The following ACVR2A variants were observed in gnomAD, a reference collection of about 807,000 sequenced individuals.
ACVR2A encodes activin A receptor type 2A.
ACVR2A carries 7 observed loss-of-function variants against 61.4 expected under a neutral mutation model. The ratio of observed to expected loss-of-function variants is 0.11; its 90% CI spans 0.06 to 0.21. The LOEUF is 0.21. Among genes scored for constraint, ACVR2A ranks in the 10% least tolerant of loss-of-function variants. The pLI, the probability that ACVR2A is intolerant of heterozygous loss-of-function variation, is 1.00. For missense variants in ACVR2A, 322 were observed against 621.7 expected (o/e 0.52, Z 5.13); for synonymous variants, 193 against 208.3 (o/e 0.93, Z 0.63).
Position 147,923,018 on chromosome 2 carries a change from A to G in ACVR2A, c.1123A>G (p.Ile375Val), listed in dbSNP as rs749606424. The part of the protein sequence containing the change: ...YMAPEVLEGA[I>V]NFQRDAFLRI... The stretch of plus-strand genomic sequence containing the variant: ...GGCTCCAGAGGTATTAGAGGGTGCT[A>G]TAAACTTCCAAAGGGATGCATTTTT... The change falls in exon 9 of 11, where the codon ATA becomes GTA. Residue 375 changes from isoleucine to valine, a missense_variant. Ile to Val is a conservative substitution (Grantham distance 29). Transcript: ENST00000241416. The G allele has an allele frequency of 5.6e-6, 9 of 1,613,434 alleles. No homozygotes were observed. The highest frequency in any genetic ancestry group is 1.7e-5 in the Admixed American group (1 of 59,964).
At chr2:147,912,038 TTGA>T in intron 4 of ACVR2A, among the ~76,000 whole-genome samples, 1 of 152,140 alleles carries the variant, frequency 6.6e-6, no homozygotes, top group Non-Finnish European at 1.5e-5. Context: ...AGTATAACTT[TTGA>T]TGATATTTTG....
In ACVR2A at chr2:147,899,444, C is replaced by A. The variant is rs775399483; in HGVS notation, c.264-14C>A. 9 of 1,563,424 alleles carry A rather than the reference C, an allele frequency of 5.8e-6. No homozygotes were observed. The East Asian group carries it at 1.6e-4, about 27-fold the overall frequency. On this transcript the variant is annotated splice_polypyrimidine_tract_variant and intron_variant, in intron 2 of 10. Coordinates refer to ENST00000241416, the MANE Select transcript of ACVR2A (RefSeq NM_001616.5). The stretch of plus-strand genomic sequence containing the variant: ...AATATTGATTTTAATTATTTTTTCT[C>A]TGCTTATTTATAGGACTGATTGTGT...
chr2:147,916,293 G>A (rs1431289840), intron 5 of ACVR2A, among the ~76,000 whole-genome samples: 2 of 151,826 alleles, frequency 1.3e-5, no homozygotes, highest in African/African-American at 4.8e-5. Context: ...GATAAGGGAA[G>A]AAATTATTTC....
intron 8 of ACVR2A, among the ~76,000 whole-genome samples, chr2:147,922,089 A>G (rs1381165186): frequency 7.9e-6 from 1 of 126,748 alleles, no homozygotes; most frequent in African/African-American, 2.7e-5. Context: ...GCTTTAGGGA[A>G]ACATTCACTG....
At chr2:147,919,663 C>T (rs190890176) in intron 7 of ACVR2A, among the ~76,000 whole-genome samples, 77 of 152,140 alleles carry the variant, frequency 5.1e-4, no homozygotes, top group Non-Finnish European at 7.1e-4. Flanking sequence ...AAAACTGTTA[C>T]CCTTTTCAGA....
At chr2:147,868,624 T>A (rs547975668) in intron 1 of ACVR2A, among the ~76,000 whole-genome samples, 7 of 150,832 alleles carry the variant, frequency 4.6e-5, no homozygotes, top group East Asian at 1.9e-4. Context: ...TATTTTATTT[T>A]ATTTATTTAT....
chr2:147,889,809 G>T (rs564634034), intron 1 of ACVR2A, among the ~76,000 whole-genome samples: 4 of 151,692 alleles, frequency 2.6e-5, no homozygotes, highest in Non-Finnish European at 5.9e-5. Flanking sequence ...TTCAGATTCT[G>T]TGTATTGCTA....
intron 1 of ACVR2A, among the ~76,000 whole-genome samples, chr2:147,853,833 A>G (rs993201136): frequency 1.3e-5 from 2 of 152,234 alleles, no homozygotes; most frequent in South Asian, 2.1e-4. Context: ...CTTCATAACT[A>G]TATGTGATAT....
intron 1 of ACVR2A, among the ~76,000 whole-genome samples, chr2:147,849,988 T>C (rs1026770951): frequency 2.6e-5 from 4 of 152,210 alleles, no homozygotes; most frequent in African/African-American, 9.6e-5. Context: ...GTCCAATGAT[T>C]TAAATTTGTG....
rs756935595 is a variant in ACVR2A at position 147,917,269 on chromosome 2, C to G, written c.673-14C>G. On this transcript the variant is annotated splice_polypyrimidine_tract_variant and intron_variant, in intron 5 of 10. Coordinates refer to ENST00000241416, the MANE Select transcript of ACVR2A (RefSeq NM_001616.5). ...ATTCCTTGTGTTCTTACTATTCTTT[C>G]TTTTTGACTCTAGGACAAACAGTCA... is the stretch of plus-strand genomic sequence containing the variant. The G allele has an allele frequency of 6.2e-7, 1 of 1,607,970 alleles. No homozygotes were observed. Among genetic ancestry groups the G allele is most frequent in the South Asian group, 1.1e-5 (1 of 90,336 alleles).
Position 147,871,492 on chromosome 2 carries a change from G to T in ACVR2A, c.56-24809G>T, listed in dbSNP as rs116938247. On this transcript the variant is annotated intron_variant, in intron 1 of 10. Transcript: ENST00000241416. ...GAAAATTTGCAGAATATCTAGCCTA[G>T]ATGTCTCTGCATTTACGTAGGTATG... is the stretch of plus-strand genomic sequence containing the variant. Among the ~76,000 whole-genome samples the T allele has an allele frequency of 4.6e-5, 7 of 152,138 alleles. No homozygotes were observed. The East Asian group carries it at 9.6e-4, about 21-fold the overall frequency.
intron 1 of ACVR2A, among the ~76,000 whole-genome samples, chr2:147,888,072 C>G (rs1032978210): frequency 6.6e-6 from 1 of 152,132 alleles, no homozygotes; most frequent in Non-Finnish European, 1.5e-5. Flanking sequence ...GTTGGAAAAG[C>G]TATTCCTTTT....
chr2:147,856,243 C>G (rs1446112899), intron 1 of ACVR2A, among the ~76,000 whole-genome samples: 4 of 152,148 alleles, frequency 2.6e-5, no homozygotes, highest in African/African-American at 7.2e-5. Context: ...AGAAGTTCAG[C>G]TGTAGCATCT....
intron 1 of ACVR2A, among the ~76,000 whole-genome samples, chr2:147,863,854 G>T (rs1023415216): frequency 1.3e-5 from 2 of 152,126 alleles, no homozygotes; most frequent in African/African-American, 4.8e-5. Context: ...TCAGAACTAG[G>T]TCAGAATTCA....
chr2:147,920,330 G>A lies in ACVR2A; in HGVS notation c.1063G>A (p.Asp355Asn), dbSNP rs761274834. 9 of 1,612,016 alleles carry A rather than the reference G, an allele frequency of 5.6e-6. No homozygotes were observed. The highest frequency in any genetic ancestry group is 3.3e-4 in the Middle Eastern group (2 of 6,052). Residue 355 changes from aspartate (D) to asparagine (N), a missense_variant, in exon 8 of 11, where the codon GAT (aspartate) becomes AAT (asparagine). Physicochemically the swap from Asp to Asn is conservative, Grantham distance 23. This residue lies in a region of ACVR2A where 146 missense variants were observed against 383.8 expected (regional missense o/e 0.38). Coordinates refer to ENST00000241416, the MANE Select transcript of ACVR2A (RefSeq NM_001616.5). ...ATTTGAGGCTGGCAAGTCTGCAGGC[G>A]ATACCCATGGACAGGTAAGGATGAT... ...LKFEAGKSAG[D>N]THGQVGTRRY... is the part of the protein sequence containing the mutation.
At chr2:147,852,894 T>C (rs1214262105) in intron 1 of ACVR2A, among the ~76,000 whole-genome samples, 1 of 152,010 alleles carries the variant, frequency 6.6e-6, no homozygotes, top group East Asian at 1.9e-4. Context: ...AGGAAGAGAT[T>C]TGTGTGATGA....
intron 1 of ACVR2A, among the ~76,000 whole-genome samples, chr2:147,886,983 G>A (rs1686456255): frequency 1.3e-5 from 2 of 152,102 alleles, no homozygotes; most frequent in African/African-American, 4.8e-5. Context: ...GTCAGAGGCA[G>A]GAGGATCTCT....
In ACVR2A at chr2:147,917,309, C is replaced by T. The variant is rs192559024; in HGVS notation, c.699C>T (p.Tyr233=). Residue 233 remains tyrosine (Y), a synonymous_variant, in exon 6 of 11, where the codon TAC becomes TAT. Transcript: ENST00000241416. The stretch of plus-strand genomic sequence containing the variant: ...ACAAACAGTCATGGCAAAATGAATA[C>T]GAAGTCTACAGTTTGCCTGGAATGA... ...IQDKQSWQNE[Y]EVYSLPGMKH... The T allele has an allele frequency of 8.1e-6, 13 of 1,611,740 alleles. No homozygotes were observed. The highest frequency in any genetic ancestry group is 6.7e-5 in the Admixed American group (4 of 59,794).
intron 8 of ACVR2A, among the ~76,000 whole-genome samples, chr2:147,920,623 C>T (rs1687358104): frequency 6.6e-6 from 1 of 152,112 alleles, no homozygotes; most frequent in Non-Finnish European, 1.5e-5. Flanking sequence ...AGACCTCATT[C>T]TTAGGGAATT....
Sources: gnomAD v4.1 joint callset for allele counts (sites outside exome capture counted in the v4.1 genomes callset) on GRCh38, gnomAD v4.1.1 for gene constraint, gnomAD v4.1.1 regional missense constraint, MANE v1.5 for transcripts, NCBI Gene and HGNC (gene_info 2026-07-23, HGNC 2026-07-21) for gene names.